Variants in SHROOM4 observed in about 807,000 individuals in gnomAD.
The protein encoded by SHROOM4 is shroom family member 4.
Under a neutral mutation model 80.3 loss-of-function variants are expected in SHROOM4, and 17 were observed. That is an observed-to-expected ratio of 0.21 (90% CI 0.14 to 0.32). The LOEUF (loss-of-function observed/expected upper bound fraction) is 0.32, where lower values mean the gene tolerates loss of function less well. Ranked by LOEUF, SHROOM4 falls within the 10% of genes least tolerant of loss-of-function variation. The pLI, the probability that SHROOM4 is intolerant of heterozygous loss-of-function variation, is 1.00. For missense variants in SHROOM4, 993 were observed against 1,140.3 expected (o/e 0.87, Z 1.86); for synonymous variants, 400 against 437.5 (o/e 0.91, Z 1.07).
At position 50,591,723 on chromosome X, in the gene SHROOM4, TTTC is replaced by T. The variant is rs1928894545; in HGVS notation, c.*4969_*4971del. 6.8e-6 allele frequency: 2 copies of T among 295,944 alleles called. No individual in the cohort carries two copies. The highest frequency in any genetic ancestry group is 1.2e-5 in the Non-Finnish European group (2 of 160,426). The allele number at this position is 295,944 out of a possible 1,213,427, so 24.4% of individuals were successfully genotyped here. On this transcript the variant is annotated 3_prime_UTR_variant, in exon 9 of 9. Coordinates refer to ENST00000376020, the MANE Select transcript of SHROOM4 (RefSeq NM_020717.5). ...CTTTCTTTCTTTCTTTCTTTCTTTC[TTTC>T]TTTCTTTTTGAGACAAAGTCTCACT...
At chrX:50,689,845 T>C (rs1282250000) in intron 2 of SHROOM4, among the ~76,000 whole-genome samples, 1 of 112,267 alleles carries the variant, frequency 8.9e-6, no homozygotes, top group African/African-American at 3.2e-5. Context: ...TGAATTAGAT[T>C]TCATAGAATT....
At chrX:50,577,865 C>T in the SHROOM4 span, among the ~76,000 whole-genome samples, 11 of 111,606 alleles carry the variant, frequency 9.9e-5, no homozygotes, top group Non-Finnish European at 1.5e-4. Context: ...CTTTTCAAAT[C>T]CCCAAAGTTG....
intron 6 of SHROOM4, among the ~76,000 whole-genome samples, chrX:50,606,428 G>A (rs1367257506): frequency 3.6e-5 from 4 of 110,673 alleles, no homozygotes; most frequent in African/African-American, 1.3e-4. Flanking sequence ...TATAAAGAGA[G>A]TTAAGGAAAG....
chrX:50,695,325 CAT>C (rs1330867830), intron 2 of SHROOM4, among the ~76,000 whole-genome samples: 1 of 111,643 alleles, frequency 9.0e-6, no homozygotes, highest in Non-Finnish European at 1.9e-5. Flanking sequence ...TACTTAGTCA[CAT>C]GTGTATATTT....
chrX:50,752,096 A>G (rs373018542), intron 1 of SHROOM4, among the ~76,000 whole-genome samples: 55 of 112,003 alleles, frequency 4.9e-4, no homozygotes, highest in African/African-American at 1.7e-3. Flanking sequence ...GAGAAAAAAC[A>G]TTTTAGTCCA....
In SHROOM4 at chrX:50,750,295, TG is replaced by T. The variant is rs201184907; in HGVS notation, c.118-54359del. ...ATTTTTTTGATACGGAGTCTCACTC[TG>T]TTGCCCAGGCTGGAGTGCTGTGGCG... On this transcript the variant is annotated intron_variant, in intron 1 of 8. Coordinates refer to ENST00000376020, the MANE Select transcript of SHROOM4 (RefSeq NM_020717.5). Among the ~76,000 whole-genome samples the T allele has an allele frequency of 8.2e-4, 92 of 112,086 alleles. 1 individual carries two copies. The East Asian group carries it at 0.025, about 30-fold the overall frequency.
intron 1 of SHROOM4, among the ~76,000 whole-genome samples, chrX:50,781,286 C>G (rs782692195): frequency 9.0e-6 from 1 of 111,582 alleles, no homozygotes; most frequent in African/African-American, 3.3e-5. Context: ...CATCCCTTAG[C>G]CCAGTCAAGT....
At chrX:50,747,538 C>T (rs1244977064) in intron 1 of SHROOM4, among the ~76,000 whole-genome samples, 2 of 111,748 alleles carry the variant, frequency 1.8e-5, no homozygotes, top group African/African-American at 3.2e-5. Flanking sequence ...AATAGCTATC[C>T]ATGGAATGTA....
Position 50,592,799 on chromosome X carries a change from T to C in SHROOM4, c.*3896A>G, listed in dbSNP as rs1928935328. ...TCTAGAAAGAATGGCTTACCTTCGA[T>C]CAGGCTAGACTCCAGAACTAGACTC... is the stretch of plus-strand genomic sequence containing the variant. On this transcript the variant is annotated 3_prime_UTR_variant, in exon 9 of 9. Coordinates refer to ENST00000376020, the MANE Select transcript of SHROOM4 (RefSeq NM_020717.5). 1 of 116,995 alleles carries C rather than the reference T, an allele frequency of 8.5e-6. No individual in the cohort carries two copies. Among genetic ancestry groups the C allele is most frequent in the Non-Finnish European group, 1.8e-5 (1 of 56,178 alleles). The allele number at this position is 116,995 out of a possible 1,213,427, so 9.6% of individuals were successfully genotyped here.
At chrX:50,801,851 G>A (rs1386414153) in intron 1 of SHROOM4, among the ~76,000 whole-genome samples, 1 of 112,150 alleles carries the variant, frequency 8.9e-6, no homozygotes, top group Non-Finnish European at 1.9e-5. Flanking sequence ...CATGTTGTTA[G>A]AGAGAGGAGC....
intron 1 of SHROOM4, among the ~76,000 whole-genome samples, chrX:50,736,256 TTTTTA>T (rs1449301034): frequency 9.0e-6 from 1 of 111,060 alleles, no homozygotes; most frequent in African/African-American, 3.3e-5. Flanking sequence ...CTAATTTTTA[TTTTTA>T]TTTTAAGTTC....
chrX:50,742,696 G>A (rs1188780491), intron 1 of SHROOM4, among the ~76,000 whole-genome samples: 1 of 107,016 alleles, frequency 9.3e-6, no homozygotes, highest in East Asian at 2.9e-4. Flanking sequence ...GCATATCAAG[G>A]AACACACTAC....
chrX:50,610,908 G>C (rs1929940895), intron 5 of SHROOM4, among the ~76,000 whole-genome samples: 1 of 111,144 alleles, frequency 9.0e-6, no homozygotes, highest in South Asian at 3.8e-4. Context: ...AAAAAAAGTA[G>C]AAACAAAATA....
chrX:50,598,568 G>A (rs1557247110), intron 7 of SHROOM4, 33 bp from the exon 8 acceptor site: 3 of 1,186,377 alleles, frequency 2.5e-6, no homozygotes, highest in Admixed American at 2.3e-5. Flanking sequence ...GACAAAGGAT[G>A]AGAATGGGGA....
Position 50,761,395 on chromosome X carries a change from G to A in SHROOM4, c.117+52507C>T, listed in dbSNP as rs952194463. On this transcript the variant is annotated intron_variant, in intron 1 of 8. Coordinates refer to ENST00000376020, the MANE Select transcript of SHROOM4 (RefSeq NM_020717.5). Reference sequence around the variant, plus strand: ...TTCACACTCCCACCAACAGTGTATAGGTGTCCCCTTTTCTCTACAACCTTT... The same window carrying A: ...TTCACACTCCCACCAACAGTGTATAAGTGTCCCCTTTTCTCTACAACCTTT... 4.5e-5 allele frequency among the ~76,000 whole-genome samples: 5 copies of A among 111,703 alleles called. No individual in the cohort carries two copies. In the Admixed American group the frequency reaches 4.7e-4, roughly 11 times the overall value.
chrX:50,620,682 A>AT (rs1225535878), intron 5 of SHROOM4, among the ~76,000 whole-genome samples: 3 of 111,434 alleles, frequency 2.7e-5, no homozygotes, highest in Non-Finnish European at 5.7e-5. Context: ...CTATTTATTG[A>AT]TTTTTTTAAT....
chrX:50,805,163 C>G (rs1211852957), intron 1 of SHROOM4, among the ~76,000 whole-genome samples: 1 of 111,659 alleles, frequency 9.0e-6, no homozygotes, highest in Non-Finnish European at 1.9e-5. Context: ...TTGTCATCCT[C>G]TCATAAGTAA....
chrX:50,807,786 C>A (rs374063614), intron 1 of SHROOM4, among the ~76,000 whole-genome samples: 2 of 111,394 alleles, frequency 1.8e-5, no homozygotes, highest in Non-Finnish European at 3.8e-5. Context: ...GTGTCCCTCC[C>A]AAATCTATTA....
At chrX:50,632,067 A>G (rs1259000599) in intron 4 of SHROOM4, among the ~76,000 whole-genome samples, 1 of 111,813 alleles carries the variant, frequency 8.9e-6, no homozygotes, top group Non-Finnish European at 1.9e-5. Context: ...TGACAGGTAC[A>G]TATGTTTAAC....
Sources: allele counts gnomAD v4.1 joint callset (sites outside exome capture counted in the v4.1 genomes callset), GRCh38; gene constraint gnomAD v4.1.1; transcripts MANE v1.5; gene names NCBI Gene and HGNC (gene_info 2026-07-23, HGNC 2026-07-21).